Variants in C10orf90 observed in about 807,000 individuals in gnomAD.
C10orf90 encodes the protein chromosome 10 open reading frame 90.
A neutral mutation model predicts 62.5 loss-of-function variants in C10orf90; 56 were observed. That is an observed-to-expected ratio of 0.90 (90% CI 0.72 to 1.12). C10orf90 has a LOEUF of 1.12. Ranked by LOEUF, C10orf90 falls within the 50% of genes most tolerant of loss-of-function variation. C10orf90 has a pLI of 0.00. For missense variants in C10orf90, 970 were observed against 880.4 expected (o/e 1.10, Z -1.29); for synonymous variants, 386 against 340.4 (o/e 1.13, Z -1.47).
At chr10:126,629,829 C>T (rs1845816850) in intron 2 of C10orf90, among the ~76,000 whole-genome samples, 1 of 152,010 alleles carries the variant, frequency 6.6e-6, no homozygotes, top group Non-Finnish European at 1.5e-5. Context: ...TGTCCAGGGA[C>T]AGGCCAGGCA....
chr10:126,640,518 C>G (rs958461671), intron 2 of C10orf90, among the ~76,000 whole-genome samples: 1 of 152,210 alleles, frequency 6.6e-6, no homozygotes, highest in African/African-American at 2.4e-5. Flanking sequence ...AAATAAGTTC[C>G]CTACACTCAG....
intron 2 of C10orf90, among the ~76,000 whole-genome samples, chr10:126,614,612 C>A (rs1845503728): frequency 6.6e-6 from 1 of 152,014 alleles, no homozygotes; most frequent in Non-Finnish European, 1.5e-5. Context: ...TAAGGTGGTT[C>A]CCAGTCCAGG....
At chr10:126,443,356 T>C (rs1409819265) in intron 7 of C10orf90, among the ~76,000 whole-genome samples, 1 of 151,854 alleles carries the variant, frequency 6.6e-6, no homozygotes, top group Admixed American at 6.6e-5. Context: ...ACCACAGAAA[T>C]ACAAAAGATC....
chr10:126,565,218 T>TATATTACATATTATGTAATATAATA (rs1844331132), intron 2 of C10orf90, among the ~76,000 whole-genome samples: 1 of 29,768 alleles, frequency 3.4e-5, no homozygotes, highest in African/African-American at 1.0e-4. Context: ...TAATATAATT[T>TATATTACATATTATGTAATATAATA]TTATATTACA....
At chr10:126,475,238 G>A (rs187690728) in intron 4 of C10orf90, among the ~76,000 whole-genome samples, 55 of 152,332 alleles carry the variant, frequency 3.6e-4, no homozygotes, top group African/African-American at 1.3e-3. Flanking sequence ...TCTTGAATGA[G>A]ACTAAAACTT....
At chr10:126,566,746 A>T (rs1313411911) in intron 2 of C10orf90, among the ~76,000 whole-genome samples, 2 of 152,160 alleles carry the variant, frequency 1.3e-5, no homozygotes, top group Non-Finnish European at 2.9e-5. Flanking sequence ...TAGGAAAAGC[A>T]CTTTTGCTTT....
intron 1 of C10orf90, among the ~76,000 whole-genome samples, chr10:126,655,623 G>T (rs1846377947): frequency 6.6e-6 from 1 of 152,146 alleles, no homozygotes; most frequent in African/African-American, 2.4e-5. Flanking sequence ...GTGTGGAAAT[G>T]TCCTTCCCCA....
rs139494758 is a variant in C10orf90 at position 126,428,025 on chromosome 10, C to A, written c.2252+1762G>T. Among the ~76,000 whole-genome samples, 429 of 152,248 alleles carry A rather than the reference C, an allele frequency of 2.8e-3. 2 individuals are homozygous for A. The highest frequency in any genetic ancestry group is 9.7e-3 in the African/African-American group (401 of 41,550). The stretch of plus-strand genomic sequence containing the variant: ...TCTTAAAAGAACATCCCAAATAAAT[C>A]ATGGTCCATCTATACGATGGACCAC... On this transcript the variant is annotated intron_variant, in intron 8 of 9. Transcript: ENST00000488181.
chr10:126,429,167 G>T (rs1028191930), intron 8 of C10orf90, among the ~76,000 whole-genome samples: 1 of 152,184 alleles, frequency 6.6e-6, no homozygotes, highest in Non-Finnish European at 1.5e-5. Flanking sequence ...TAAGAGGCCA[G>T]ATCTCAGAAA....
chr10:126,494,532 G>A (rs974329431), intron 4 of C10orf90, among the ~76,000 whole-genome samples: 2 of 152,152 alleles, frequency 1.3e-5, no homozygotes, highest in South Asian at 2.1e-4. Context: ...CCTGTGGGGC[G>A]CACATGAATA....
At chr10:126,432,013 C>G (rs943309789) in intron 7 of C10orf90, among the ~76,000 whole-genome samples, 1 of 152,158 alleles carries the variant, frequency 6.6e-6, no homozygotes, top group Admixed American at 6.5e-5. Flanking sequence ...AGGGGGCTTC[C>G]CCTGCTGGTG....
At chr10:126,564,764 A>G (rs1844262866) in intron 2 of C10orf90, among the ~76,000 whole-genome samples, 1 of 129,002 alleles carries the variant, frequency 7.8e-6, no homozygotes, top group South Asian at 2.5e-4. Flanking sequence ...AAGGCGTCCA[A>G]TTAAAGACTG....
chr10:126,558,526 T>G (rs573613239), intron 2 of C10orf90, among the ~76,000 whole-genome samples: 2 of 152,178 alleles, frequency 1.3e-5, no homozygotes, highest in Non-Finnish European at 2.9e-5. Flanking sequence ...CCTCTGAGTA[T>G]GCTTGTTCTG....
At chr10:126,497,447 C>G (rs1862123943) in intron 4 of C10orf90, among the ~76,000 whole-genome samples, 1 of 152,214 alleles carries the variant, frequency 6.6e-6, no homozygotes, top group Non-Finnish European at 1.5e-5. Context: ...TGACTCTGAG[C>G]ATCGCTTCTT....
intron 1 of C10orf90, among the ~76,000 whole-genome samples, chr10:126,663,264 T>C (rs1246936675): frequency 1.3e-5 from 2 of 152,204 alleles, no homozygotes; most frequent in African/African-American, 4.8e-5. Context: ...CACTTGATCC[T>C]GGTGTAGTTG....
At chr10:126,555,582 G>A (rs911114544) in intron 2 of C10orf90, among the ~76,000 whole-genome samples, 1 of 151,918 alleles carries the variant, frequency 6.6e-6, no homozygotes, top group African/African-American at 2.4e-5. Flanking sequence ...GGGAGGCTGA[G>A]GCAGGAGAAT....
intron 1 of C10orf90, among the ~76,000 whole-genome samples, chr10:126,662,093 T>TAAAAA (rs10695373): frequency 6.7e-6 from 1 of 148,740 alleles, no homozygotes; most frequent in African/African-American, 2.5e-5. Flanking sequence ...GTAGTCTTGT[T>TAAAAA]AAAAAAAAAA....
chr10:126,454,229 C>T (rs1285197871), intron 7 of C10orf90, among the ~76,000 whole-genome samples: 2 of 152,000 alleles, frequency 1.3e-5, no homozygotes, highest in Admixed American at 6.5e-5. Flanking sequence ...CCCCTATGAC[C>T]TGCAGGGCTT....
chr10:126,609,835 G>A (rs1231574067), intron 2 of C10orf90, among the ~76,000 whole-genome samples: 1 of 152,204 alleles, frequency 6.6e-6, no homozygotes, highest in African/African-American at 2.4e-5. Flanking sequence ...GAGCTGTGAG[G>A]CATGGGAGAT....
Sources: allele counts gnomAD v4.1 joint callset (sites outside exome capture counted in the v4.1 genomes callset), GRCh38; gene constraint gnomAD v4.1.1; transcripts MANE v1.5; gene names NCBI Gene and HGNC (gene_info 2026-07-23, HGNC 2026-07-21).